The following LONP1 variants were observed in gnomAD, a reference collection of about 807,000 sequenced individuals.
The protein encoded by LONP1 is lon protease homolog, mitochondrial.
A neutral mutation model predicts 98.5 loss-of-function variants in LONP1; 31 were observed. The ratio of observed to expected loss-of-function variants is 0.31; its 90% CI spans 0.24 to 0.42. LONP1 has a LOEUF of 0.42. LONP1 is among the 20% of genes least tolerant of loss of function. LONP1 has a pLI of 1.00. For synonymous variants in LONP1, 781 were observed against 594.7 expected (o/e 1.31, Z -4.56); for missense variants, 1,336 against 1,350.6 (o/e 0.99, Z 0.17).
chr19:5,705,884 C>T lies in LONP1; in HGVS notation c.1255G>A (p.Glu419Lys). The change falls in exon 8 of 18, where the codon GAG (glutamate) becomes AAG (lysine). Residue 419 changes from glutamate (E) to lysine (K), a missense_variant. Transcript: ENST00000360614. ...TCCTTCAGGCGCTCCCGGAACTTCT[C>T]CTCGATGGCATCCTTGTCGTCCTTC... ...LEKDDKDAIE[E>K]KFRERLKELV... 1 of 1,614,192 alleles carries T rather than the reference C, an allele frequency of 6.2e-7. No individual in the cohort carries two copies. The highest frequency in any genetic ancestry group is 1.1e-5 in the South Asian group (1 of 91,088).
intron 11 of LONP1, 88 bp downstream of exon 11, chr19:5,696,582 C>G: frequency 7.0e-7 from 1 of 1,420,420 alleles, no homozygotes; most frequent in East Asian, 2.3e-5. Flanking sequence ...CCTGAGTTGG[C>G]TCGGGGATCC....
chr19:5,719,624 G>T, intron 1 of LONP1, 80 bp downstream of exon 1: 1 of 1,605,204 alleles, frequency 6.2e-7, no homozygotes, highest in Non-Finnish European at 8.5e-7. Context: ...CGAAACACAA[G>T]GGCGCTCAAG....
chr19:5,714,906 C>A (rs1457375741), intron 1 of LONP1: 1 of 152,142 alleles, frequency 6.6e-6, no homozygotes, highest in Non-Finnish European at 1.5e-5. Flanking sequence ...GCGTAAACTA[C>A]CACGCCCGGC....
intron 1 of LONP1, among the ~76,000 whole-genome samples, chr19:5,716,291 T>TATATATATATATATAC (rs2055321396): frequency 9.5e-6 from 1 of 105,754 alleles, no homozygotes; most frequent in Non-Finnish European, 2.0e-5. Flanking sequence ...TATATATATA[T>TATATATATATATATAC]ATATATATAG....
At chr19:5,714,471 A>AT (rs1413052914) in intron 1 of LONP1, among the ~76,000 whole-genome samples, 200 bp from the exon 2 acceptor site, 18 of 151,474 alleles carry the variant, frequency 1.2e-4, no homozygotes, top group East Asian at 1.9e-4. Flanking sequence ...CACCTGGCTA[A>AT]TTTTTTTATT....
intron 1 of LONP1, among the ~76,000 whole-genome samples, chr19:5,719,311 T>C (rs1476065720): frequency 6.6e-6 from 1 of 152,200 alleles, no homozygotes; most frequent in East Asian, 1.9e-4. Context: ...TGAATTCTGA[T>C]CCCAGTGAGG....
chr19:5,695,044 A>AC (rs750765375), intron 13 of LONP1, 143 bp from the exon 14 acceptor site: 7 of 970,284 alleles, frequency 7.2e-6, no homozygotes, highest in African/African-American at 1.6e-5. Flanking sequence ...GGGCCTGGAC[A>AC]CCCCGCCCTG....
At chr19:5,701,525 G>C (rs1216227152) in intron 8 of LONP1, among the ~76,000 whole-genome samples, 1 of 152,048 alleles carries the variant, frequency 6.6e-6, no homozygotes, top group African/African-American at 2.4e-5. Flanking sequence ...TGGAGACGGG[G>C]TTTCACTGTG....
chr19:5,708,787 G>A lies in LONP1; in HGVS notation c.871-384C>T, dbSNP rs2055189854. On this transcript the variant is annotated intron_variant, in intron 4 of 17. Transcript: ENST00000360614. ...CAAGCACTTTGGGAGGCCGAGGCGG[G>A]TGGATCATGAGGTCAGGAGATCGAG... 7 of 175,840 alleles carry A rather than the reference G, an allele frequency of 4.0e-5. No homozygotes were observed. The South Asian group carries it at 8.4e-4, about 21-fold the overall frequency. The allele number at this position is 175,840 out of a possible 1,614,324, so 10.9% of individuals were successfully genotyped here.
intron 8 of LONP1, among the ~76,000 whole-genome samples, chr19:5,704,856 T>C (rs2055117830): frequency 6.6e-6 from 1 of 152,222 alleles, no homozygotes; most frequent in Non-Finnish European, 1.5e-5. Context: ...GGACTCCTGG[T>C]CCTGGCGAGA....
intron 17 of LONP1, among the ~76,000 whole-genome samples, chr19:5,693,084 C>G (rs552726672): frequency 5.9e-5 from 9 of 152,308 alleles, no homozygotes; most frequent in Non-Finnish European, 1.0e-4. Context: ...CTGGGGAAGC[C>G]AGTGGAGGCT....
intron 5 of LONP1, 187 bp from the exon 6 acceptor site, chr19:5,708,013 G>T (rs976363233): frequency 5.9e-5 from 41 of 690,188 alleles, no homozygotes; most frequent in Non-Finnish European, 1.2e-5. Context: ...TCCTGGGCTG[G>T]AAAGGCATGC....
At position 5,719,812 on chromosome 19, in the gene LONP1, C is replaced by T. The variant is rs760045514; in HGVS notation, c.321G>A (p.Pro107=). 29 of 1,611,602 alleles carry T rather than the reference C, an allele frequency of 1.8e-5. No homozygotes were observed. Among genetic ancestry groups the T allele is most frequent in the Non-Finnish European group, 2.1e-5 (25 of 1,179,592 alleles). Residue 107 remains proline, a synonymous_variant, in exon 1 of 18, where the codon CCG becomes CCA. Coordinates refer to ENST00000360614, the MANE Select transcript of LONP1 (RefSeq NM_004793.4). ...TCATGGGCGTGAGCGCCGTTATGACCGGGCCTTCCCCGGCGCCCGCGCTGC... is the reference window on the plus strand; with the variant it reads ...TCATGGGCGTGAGCGCCGTTATGACTGGGCCTTCCCCGGCGCCCGCGCTGC... ...AGGSAGAGEG[P]VITALTPMTI... is the part of the protein sequence containing the mutation.
intron 5 of LONP1, 162 bp downstream of exon 5, chr19:5,708,180 G>T: frequency 2.8e-6 from 2 of 709,956 alleles, no homozygotes; most frequent in Non-Finnish European, 4.7e-6. Context: ...CCTCCCACCT[G>T]CCCCATGCCC....
At chr19:5,699,869 T>C (rs968452525) in intron 9 of LONP1, among the ~76,000 whole-genome samples, 1 of 151,922 alleles carries the variant, frequency 6.6e-6, no homozygotes, top group Non-Finnish European at 1.5e-5. Context: ...CTGACTCCTG[T>C]TTTTTAACCT....
chr19:5,698,963 G>A lies in LONP1; in HGVS notation c.1685+64C>T, dbSNP rs888802765. On this transcript the variant is annotated intron_variant, in intron 10 of 17. Transcript: ENST00000360614. Reference sequence around the variant, plus strand: ...TACCAGATGTTAAAGGGTGACCGGAGAAGACGAAGCCCGGCAGCACAGCTG... The same window carrying A: ...TACCAGATGTTAAAGGGTGACCGGAAAAGACGAAGCCCGGCAGCACAGCTG... The A allele has an allele frequency of 1.7e-5, 26 of 1,495,204 alleles. No homozygotes were observed. The Admixed American group carries it at 2.9e-4, about 17-fold the overall frequency. The allele number at this position is 1,495,204 out of a possible 1,614,324, so 92.6% of individuals were successfully genotyped here. A position where few individuals can be genotyped will look rare whatever the true frequency, so the allele number is the denominator to read the frequency against.
intron 8 of LONP1, among the ~76,000 whole-genome samples, chr19:5,702,581 A>G (rs1312138928): frequency 6.7e-6 from 1 of 150,268 alleles, no homozygotes; most frequent in Non-Finnish European, 1.5e-5. Context: ...TTTGTGGAAT[A>G]GAAAAGGGGG....
chr19:5,693,849 G>T, intron 15 of LONP1, 80 bp from the exon 16 acceptor site: 1 of 1,191,372 alleles, frequency 8.4e-7, no homozygotes, highest in Non-Finnish European at 1.2e-6. Flanking sequence ...GGGCCACTCT[G>T]ACCGCTCCTG....
rs780035656 is a variant in LONP1 at position 5,692,128 on chromosome 19, G to A, written c.2784C>T (p.Thr928=). Residue 928 remains threonine, a synonymous_variant, in exon 18 of 18, where the codon ACC becomes ACT. Transcript: ENST00000360614. The part of the protein sequence containing the change: ...KDFYDLAAFI[T]EGLEVHFVEH... The stretch of plus-strand genomic sequence containing the variant: ...CCACGAAGTGCACCTCCAGGCCCTC[G>A]GTGATGAAGGCTGCCAGGTCGTAGA... 4.9e-5 allele frequency: 79 copies of A among 1,614,010 alleles called. No individual in the cohort carries two copies. The highest frequency in any genetic ancestry group is 6.2e-5 in the Non-Finnish European group (73 of 1,180,010).
Sources: gnomAD v4.1 joint callset for allele counts (sites outside exome capture counted in the v4.1 genomes callset) on GRCh38, gnomAD v4.1.1 for gene constraint, MANE v1.5 for transcripts, NCBI Gene and HGNC (gene_info 2026-07-23, HGNC 2026-07-21) for gene names.